Variants in PCMT1 observed in about 807,000 individuals in gnomAD.
The protein encoded by PCMT1 is protein-L-isoaspartate(D-aspartate) O-methyltransferase.
Under a neutral mutation model 29.2 loss-of-function variants are expected in PCMT1, and 9 were observed. That is an observed-to-expected ratio of 0.31 (90% confidence interval 0.19 to 0.54). PCMT1 has a LOEUF of 0.54. Among genes scored for constraint, PCMT1 ranks in the 20% least tolerant of loss-of-function variants. The pLI is 0.95. For missense variants in PCMT1, 184 were observed against 282.2 expected, an observed-to-expected ratio of 0.65 and a Z score of 2.49; for synonymous variants, 98 against 97.5, an observed-to-expected ratio of 1.00 and a Z score of -0.03.
chr6:149,777,695 T>C (rs1266040743), intron 3 of PCMT1, among the ~76,000 whole-genome samples: 1 of 152,172 alleles, frequency 6.6e-6, no homozygotes, highest in Admixed American at 6.6e-5. Context: ...AAGATAGGAA[T>C]TAGCTTATTT....
intron 3 of PCMT1, among the ~76,000 whole-genome samples, chr6:149,778,956 C>T (rs1413400336): frequency 6.6e-6 from 1 of 152,110 alleles, no homozygotes; most frequent in Admixed American, 6.5e-5. Context: ...TGAACTACTA[C>T]TGAAGGGGGA....
At chr6:149,794,457 A>C (rs1788512381) in intron 5 of PCMT1, among the ~76,000 whole-genome samples, 1 of 152,110 alleles carries the variant, frequency 6.6e-6, no homozygotes, top group Non-Finnish European at 1.5e-5. Context: ...GTCTCTACTA[A>C]AAATACAAAA....
rs796717104 is a variant in PCMT1, at chr6:149,786,264, G to T, written c.193-3690G>T. Among the ~76,000 whole-genome samples the T allele has an allele frequency of 4.6e-3, 334 of 71,946 alleles. 154 individuals carry two copies. In the East Asian group the frequency reaches 0.11, roughly 23 times the overall value. 47.2% of individuals were successfully genotyped at this position (71,946 alleles called of 152,430 possible). On this transcript the variant is annotated intron_variant, in intron 3 of 7. Coordinates refer to ENST00000464889, the MANE Select transcript of PCMT1 (RefSeq NM_001360452.2). ...GGGACAGGGCGGCTGGCCGGGCGGG[G>T]GTGCTGACCCCCCCCACCTCCCTCC...
At chr6:149,759,845 T>G (rs1786670019) in intron 1 of PCMT1, among the ~76,000 whole-genome samples, 1 of 152,168 alleles carries the variant, frequency 6.6e-6, no homozygotes, top group African/African-American at 2.4e-5. Flanking sequence ...GCCCTCTTTA[T>G]TTTTTTATTT....
chr6:149,798,483 A>G (rs1293162148), intron 6 of PCMT1, among the ~76,000 whole-genome samples: 1 of 152,202 alleles, frequency 6.6e-6, no homozygotes, highest in African/African-American at 2.4e-5. Flanking sequence ...ACTTGCAAGT[A>G]TTATAGGGGT....
chr6:149,755,493 C>T (rs1011951579), intron 1 of PCMT1, among the ~76,000 whole-genome samples: 2 of 151,908 alleles, frequency 1.3e-5, no homozygotes, highest in Non-Finnish European at 2.9e-5. Context: ...CGGTTTCAGG[C>T]ATCTATTAAG....
intron 1 of PCMT1, among the ~76,000 whole-genome samples, chr6:149,758,192 T>TTTTTTTC (rs142697234): frequency 9.8e-6 from 1 of 101,740 alleles, no homozygotes; most frequent in Non-Finnish European, 1.8e-5. Context: ...CCAATTTTTT[T>TTTTTTTC]TTTCTTTCTT....
At chr6:149,767,368 C>T (rs551942572) in intron 1 of PCMT1, among the ~76,000 whole-genome samples, 1 of 151,950 alleles carries the variant, frequency 6.6e-6, no homozygotes, top group Non-Finnish European at 1.5e-5. Context: ...CCGTTCACTC[C>T]TTTTTATGGT....
rs774489338 is a variant in PCMT1, at chr6:149,796,508, G to A, written c.504+8G>A. 23 of 1,603,992 alleles carry A rather than the reference G, an allele frequency of 1.4e-5. No homozygotes were observed. The East Asian group carries it at 2.2e-4, about 16-fold the overall frequency. ...CCTGTTGTACCCCAGGCGGTGAGTC[G>A]GGATTTTTTCTGTTTGTGTGTTTTT... On this transcript the variant is annotated splice_region_variant and intron_variant, in intron 6 of 7. Coordinates refer to ENST00000464889, the MANE Select transcript of PCMT1 (RefSeq NM_001360452.2).
rs758763218 is a variant in PCMT1 at position 149,749,761 on chromosome 6, G to C, written c.-141G>C. 21 of 1,546,916 alleles carry C rather than the reference G, an allele frequency of 1.4e-5. 2 individuals are homozygous for C. The South Asian group carries it at 1.8e-4, about 13-fold the overall frequency. ...AGCGCGCAGTGGCGGCAGCGGCGGC[G>C]ACGGCAGTAACAGCGGCAGCTACAG... On this transcript the variant is annotated 5_prime_UTR_variant, in exon 1 of 8. Transcript: ENST00000464889.
At chr6:149,785,937 G>T (rs1221503955) in intron 3 of PCMT1, among the ~76,000 whole-genome samples, 1 of 151,680 alleles carries the variant, frequency 6.6e-6, no homozygotes, top group East Asian at 2.0e-4. Flanking sequence ...CCTCCCAGAC[G>T]GGGTGGTGGC....
intron 3 of PCMT1, among the ~76,000 whole-genome samples, chr6:149,788,605 A>G (rs893763044): frequency 2.0e-5 from 3 of 152,232 alleles, no homozygotes; most frequent in African/African-American, 7.2e-5. Flanking sequence ...GTATCTTAGC[A>G]GAGGCATTTG....
rs1308926025 is a variant in PCMT1, at chr6:149,751,498, T to TTA, written c.55+1543_55+1544insAT. 4.6e-3 allele frequency among the ~76,000 whole-genome samples: 667 copies of TTA among 144,624 alleles called. 6 individuals are homozygous for TTA. The highest frequency in any genetic ancestry group is 0.016 in the African/African-American group (633 of 39,610). 94.9% of individuals were successfully genotyped at this position (144,624 alleles called of 152,430 possible). On this transcript the variant is annotated intron_variant, in intron 1 of 7. Transcript: ENST00000464889. ...GTACTTTTTTTTTTTTTTTTTTTTT[T>TTA]TGAGACAGAGACTCCCTCTGTAGCC...
At chr6:149,803,133 A>C (rs1445958092) in intron 7 of PCMT1, among the ~76,000 whole-genome samples, 1 of 151,824 alleles carries the variant, frequency 6.6e-6, no homozygotes, top group Non-Finnish European at 1.5e-5. Context: ...AGGAGAAAGA[A>C]GGGGAAAGAT....
In PCMT1 at chr6:149,789,588, T is replaced by G. The variant is rs959717608; in HGVS notation, c.193-366T>G. Among the ~76,000 whole-genome samples the G allele has an allele frequency of 3.4e-4, 52 of 152,164 alleles. 1 individual carries two copies. Among genetic ancestry groups the G allele is most frequent in the African/African-American group, 1.3e-3 (52 of 41,456 alleles). On this transcript the variant is annotated intron_variant, in intron 3 of 7. Transcript: ENST00000464889. ...CTTATATATGCAAAGAATCTATTCCTTCCTTTTTGGAAGGAGTCACAAGAA... is the reference window on the plus strand; with the variant it reads ...CTTATATATGCAAAGAATCTATTCCGTCCTTTTTGGAAGGAGTCACAAGAA...
At chr6:149,786,684 G>A (rs1302795294) in intron 3 of PCMT1, among the ~76,000 whole-genome samples, 65 of 145,324 alleles carry the variant, frequency 4.5e-4, no homozygotes, top group African/African-American at 1.3e-3. Context: ...ACGGGGTCGC[G>A]GCCGGGCAGA....
intron 3 of PCMT1, 150 bp downstream of exon 3, chr6:149,773,319 ATCTTAT>A (rs879146484): frequency 1.5e-4 from 100 of 645,470 alleles, no homozygotes; most frequent in South Asian, 1.2e-3. Context: ...TTTTTTGAAC[ATCTTAT>A]TCTTAATACA....
chr6:149,756,752 A>G (rs1786527571), intron 1 of PCMT1, among the ~76,000 whole-genome samples: 1 of 151,706 alleles, frequency 6.6e-6, no homozygotes, highest in Non-Finnish European at 1.5e-5. Flanking sequence ...TGGAGCCTCA[A>G]AGTCCAGAGG....
intron 1 of PCMT1, among the ~76,000 whole-genome samples, chr6:149,757,536 G>T (rs546472149): frequency 5.3e-5 from 8 of 152,154 alleles, no homozygotes; most frequent in South Asian, 2.1e-4. Flanking sequence ...GATGGAGGTG[G>T]TTTGGTTTAG....
Sources: allele counts gnomAD v4.1 joint callset (sites outside exome capture counted in the v4.1 genomes callset), GRCh38; gene constraint gnomAD v4.1.1; transcripts MANE v1.5; gene names NCBI Gene and HGNC (gene_info 2026-07-23, HGNC 2026-07-21).